COL25A1: variants seen among roughly 807,000 people sequenced by gnomAD.
The protein encoded by COL25A1 is collagen type XXV alpha 1 chain, also known as collagen alpha-1(XXV) chain.
A neutral mutation model predicts 128.4 loss-of-function variants in COL25A1; 103 were observed. The ratio of observed to expected loss-of-function variants is 0.80; its 90% CI spans 0.68 to 0.94. The LOEUF (loss-of-function observed/expected upper bound fraction) is 0.94, where lower values mean the gene tolerates loss of function less well. Among genes scored for constraint, COL25A1 ranks in the 40% least tolerant of loss-of-function variants. The pLI, the probability that COL25A1 is intolerant of heterozygous loss-of-function variation, is 0.00. For synonymous variants in COL25A1, 279 were observed against 277.2 expected, an observed-to-expected ratio of 1.01 and a Z score of -0.06; for missense variants, 745 against 840.0, an observed-to-expected ratio of 0.89 and a Z score of 1.40.
chr4:109,104,522 C>T (rs1387423007), intron 3 of COL25A1, among the ~76,000 whole-genome samples: 4 of 152,006 alleles, frequency 2.6e-5, no homozygotes, highest in Non-Finnish European at 5.9e-5. Flanking sequence ...TATCTCCTAA[C>T]ACAAGGTCAA....
At chr4:109,162,739 CTACAGA>C (rs1244998102) in intron 3 of COL25A1, among the ~76,000 whole-genome samples, 1 of 152,196 alleles carries the variant, frequency 6.6e-6, no homozygotes, top group African/African-American at 2.4e-5. Context: ...ACCTGCTATG[CTACAGA>C]TGTGGCCTGA....
At chr4:109,153,834 TCAATTGCTGTATACTA>T (rs1199921638) in intron 3 of COL25A1, among the ~76,000 whole-genome samples, 2 of 152,188 alleles carry the variant, frequency 1.3e-5, no homozygotes, top group African/African-American at 4.8e-5. Flanking sequence ...ATACTTTAGT[TCAATTGCTGTATACTA>T]CAATCCCATA....
intron 3 of COL25A1, among the ~76,000 whole-genome samples, chr4:109,088,788 A>G (rs1478644753): frequency 6.6e-6 from 1 of 152,170 alleles, no homozygotes; most frequent in Non-Finnish European, 1.5e-5. Context: ...TGGCAACATG[A>G]GGTTACTGGT....
rs115756566 is a variant in COL25A1 at position 109,195,922 on chromosome 4, T to C, written c.367+104661A>G. 7.1e-3 allele frequency among the ~76,000 whole-genome samples: 1,077 copies of C among 152,368 alleles called. 16 individuals carry two copies. The highest frequency in any genetic ancestry group is 0.024 in the African/African-American group (990 of 41,592). On this transcript the variant is annotated intron_variant, in intron 3 of 37. Coordinates refer to ENST00000399132, the MANE Select transcript of COL25A1 (RefSeq NM_198721.4). ...ATGATGGAATTGAATGTGGTAAGTA[T>C]ACTTGGCTCCCAGTATAGGGACTTC...
intron 6 of COL25A1, among the ~76,000 whole-genome samples, chr4:108,980,339 G>C (rs1371372298): frequency 6.6e-6 from 1 of 152,144 alleles, no homozygotes. Context: ...CAACAAGACT[G>C]GTTAACTGAT....
intron 3 of COL25A1, among the ~76,000 whole-genome samples, chr4:109,208,483 T>TTAAAA (rs1553959472): frequency 5.8e-5 from 8 of 138,308 alleles, no homozygotes; most frequent in African/African-American, 2.2e-4. Flanking sequence ...TATCAGTTAA[T>TTAAAA]AAAAAAAAAA....
At chr4:109,110,755 C>T (rs1036509484) in intron 3 of COL25A1, among the ~76,000 whole-genome samples, 2 of 152,176 alleles carry the variant, frequency 1.3e-5, no homozygotes, top group African/African-American at 4.8e-5. Flanking sequence ...TGGAGTTTCT[C>T]CTTGACTTCT....
chr4:109,293,652 C>G (rs1221649451), intron 3 of COL25A1, among the ~76,000 whole-genome samples: 2 of 152,056 alleles, frequency 1.3e-5, no homozygotes, highest in African/African-American at 4.8e-5. Flanking sequence ...CGCAAATGAA[C>G]AGACATAGTC....
chr4:108,840,240 CT>C (rs1400409703), intron 31 of COL25A1, among the ~76,000 whole-genome samples: 2 of 82,532 alleles, frequency 2.4e-5, no homozygotes, highest in African/African-American at 8.8e-5. Flanking sequence ...GAAACGCCAT[CT>C]CAAAAAAAAA....
chr4:108,865,863 G>T (rs1737846508), intron 20 of COL25A1, among the ~76,000 whole-genome samples: 1 of 152,142 alleles, frequency 6.6e-6, no homozygotes. Context: ...CAAACTCCTG[G>T]ACTCAAGTAG....
At chr4:109,157,036 A>G (rs1489125726) in intron 3 of COL25A1, among the ~76,000 whole-genome samples, 1 of 152,196 alleles carries the variant, frequency 6.6e-6, no homozygotes, top group African/African-American at 2.4e-5. Flanking sequence ...ACAAGCGCAC[A>G]AGACCCAGGG....
chr4:108,954,661 T>C (rs1009792660), intron 8 of COL25A1, among the ~76,000 whole-genome samples: 4 of 151,834 alleles, frequency 2.6e-5, no homozygotes. Context: ...GTACTTAATA[T>C]TCCATTTATC....
At chr4:108,877,652 A>T (rs1489443636) in intron 19 of COL25A1, among the ~76,000 whole-genome samples, 1 of 152,072 alleles carries the variant, frequency 6.6e-6, no homozygotes, top group Non-Finnish European at 1.5e-5. Context: ...CAAAAAACAA[A>T]AAACTAACAA....
chr4:109,070,778 A>C (rs1364940051), intron 3 of COL25A1, among the ~76,000 whole-genome samples: 1 of 148,456 alleles, frequency 6.7e-6, no homozygotes, highest in Non-Finnish European at 1.5e-5. Flanking sequence ...GAGTGAGAAC[A>C]TGCGGTGTTT....
chr4:108,876,209 A>T (rs1040852939), intron 19 of COL25A1, among the ~76,000 whole-genome samples: 13 of 147,558 alleles, frequency 8.8e-5, no homozygotes, highest in Admixed American at 1.4e-4. Context: ...TTAAAGTATA[A>T]AAAAAAAAAA....
At chr4:108,892,259 T>A (rs547733906) in intron 16 of COL25A1, among the ~76,000 whole-genome samples, 1 of 152,296 alleles carries the variant, frequency 6.6e-6, no homozygotes, top group South Asian at 2.1e-4. Context: ...ACAGGGTAAG[T>A]TATAGATGAG....
At chr4:109,024,771 C>T (rs1028020298) in intron 5 of COL25A1, among the ~76,000 whole-genome samples, 1 of 104,730 alleles carries the variant, frequency 9.5e-6, no homozygotes, top group African/African-American at 6.3e-5. Context: ...TTTTTGAATT[C>T]GAGTTTCTTT....
Position 108,918,228 on chromosome 4 carries a change from C to T in COL25A1, c.736-12G>A, listed in dbSNP as rs1745091561. On this transcript the variant is annotated splice_polypyrimidine_tract_variant and intron_variant, in intron 12 of 37. Coordinates refer to ENST00000399132, the MANE Select transcript of COL25A1 (RefSeq NM_198721.4). The stretch of plus-strand genomic sequence containing the variant: ...GCTCCAATAGAACCCTAAAGAGACA[C>T]ATGATTAAATTCAGTTGATATCATA... 7.6e-6 allele frequency: 12 copies of T among 1,581,956 alleles called. No homozygotes were observed. In the Admixed American group the frequency reaches 8.7e-5, roughly 11 times the overall value.
intron 8 of COL25A1, among the ~76,000 whole-genome samples, chr4:108,955,255 C>T (rs550504466): frequency 6.6e-6 from 1 of 152,120 alleles, no homozygotes; most frequent in South Asian, 2.1e-4. Context: ...TGGGATGAAG[C>T]TTCATAACAT....
Sources: allele counts gnomAD v4.1 joint callset (sites outside exome capture counted in the v4.1 genomes callset), GRCh38; gene constraint gnomAD v4.1.1; transcripts MANE v1.5; gene names NCBI Gene and HGNC (gene_info 2026-07-23, HGNC 2026-07-21).